Variants in CFAP92 observed in about 807,000 individuals in gnomAD.
CFAP92 encodes cilia and flagella associated protein 92 (putative), also known as uncharacterized protein CFAP92.
In CFAP92, 86 loss-of-function variants were observed where a neutral mutation model predicts 106.3. The observed-to-expected ratio is 0.81, with a 90% CI of 0.68 to 0.97. The LOEUF is 0.97. CFAP92 is among the 50% of genes least tolerant of loss of function. The pLI is 0.00. For missense variants in CFAP92, 1,204 were observed against 1,283.8 expected (o/e 0.94, Z 0.95); for synonymous variants, 477 against 506.4 (o/e 0.94, Z 0.78).
intron 12 of CFAP92, among the ~76,000 whole-genome samples, chr3:128,923,449 G>C (rs1559854077): frequency 1.3e-5 from 2 of 152,202 alleles, no homozygotes; most frequent in East Asian, 3.8e-4. Flanking sequence ...TTCTGACTGA[G>C]CTCCTCTCTA....
At chr3:128,951,290 A>G (rs1160184676) in intron 9 of CFAP92, among the ~76,000 whole-genome samples, 3 of 152,152 alleles carry the variant, frequency 2.0e-5, no homozygotes, top group African/African-American at 7.2e-5. Flanking sequence ...CAGAGTCCCA[A>G]AAAGAAAGGG....
chr3:128,953,184 G>GA (rs2107741638), intron 9 of CFAP92, among the ~76,000 whole-genome samples: 1 of 152,150 alleles, frequency 6.6e-6, no homozygotes, highest in East Asian at 1.9e-4. Flanking sequence ...ACAGAGGAAA[G>GA]AATCTGTAAA....
At chr3:128,984,371 G>A (rs1201881447) in intron 4 of CFAP92, among the ~76,000 whole-genome samples, 1 of 152,174 alleles carries the variant, frequency 6.6e-6, no homozygotes, top group Non-Finnish European at 1.5e-5. Flanking sequence ...CTGCCAGCAT[G>A]GCTAGAAGAA....
chr3:129,001,525 G>A (rs999675082), intron 1 of CFAP92: 3 of 1,331,792 alleles, frequency 2.3e-6, no homozygotes, highest in South Asian at 2.0e-5. Flanking sequence ...ACCAGACCGC[G>A]ACCGCTAAGC....
chr3:128,997,635 C>T (rs550067960), upstream of CFAP92, among the ~76,000 whole-genome samples: 17 of 152,322 alleles, frequency 1.1e-4, no homozygotes, highest in South Asian at 2.7e-3. Flanking sequence ...AGGCATGTGT[C>T]AGTATTTCAT....
At chr3:128,920,712 G>T (rs1408792797) in intron 12 of CFAP92, among the ~76,000 whole-genome samples, 2 of 152,102 alleles carry the variant, frequency 1.3e-5, no homozygotes, top group Admixed American at 6.5e-5. Flanking sequence ...TGTTCCAAAG[G>T]GTGGAAGGCT....
chr3:128,964,782 C>A (rs1044003118), intron 9 of CFAP92, among the ~76,000 whole-genome samples: 1 of 151,882 alleles, frequency 6.6e-6, no homozygotes, highest in Non-Finnish European at 1.5e-5. Context: ...TACCACAAGA[C>A]CTCCCTTCAG....
At chr3:129,020,594 G>A in the CFAP92 span, among the ~76,000 whole-genome samples, 3 of 152,268 alleles carry the variant, frequency 2.0e-5, no homozygotes, top group East Asian at 1.9e-4. Flanking sequence ...CTGAGATCAC[G>A]CCACTGCATT....
chr3:128,979,936 T>TA (rs1037860016), intron 4 of CFAP92, among the ~76,000 whole-genome samples: 1 of 83,052 alleles, frequency 1.2e-5, no homozygotes, highest in African/African-American at 5.3e-5. Flanking sequence ...CCCTAAAACT[T>TA]AAAGTATAAT....
At position 128,910,668 on chromosome 3, in the gene CFAP92, G is replaced by A. The variant is rs568462254; in HGVS notation, c.3281-335C>T. ...GCCATGCTACCCAGTTTGGCTGATA[G>A]GCTGGGTTTTTGAAGCTCAGAGGTC... On this transcript the variant is annotated intron_variant, in intron 15 of 15. Transcript: ENST00000645291. 2.8e-5 allele frequency: 43 copies of A among 1,545,882 alleles called. 1 individual carries two copies. The East Asian group carries it at 9.2e-4, about 33-fold the overall frequency.
intron 1 of CFAP92, chr3:129,001,942 C>A: frequency 6.5e-7 from 1 of 1,543,346 alleles, no homozygotes; most frequent in Non-Finnish European, 8.7e-7. Context: ...GACGGGAACT[C>A]CAGAGATGTG....
chr3:128,934,615 C>T (rs1938779355), intron 11 of CFAP92, among the ~76,000 whole-genome samples: 1 of 152,146 alleles, frequency 6.6e-6, no homozygotes, highest in African/African-American at 2.4e-5. Context: ...ACTGCAATCT[C>T]TGCCTTCCAG....
chr3:128,932,630 C>T (rs752997613), intron 12 of CFAP92, 70 bp downstream of exon 12: 18 of 1,420,700 alleles, frequency 1.3e-5, no homozygotes, highest in Admixed American at 2.3e-5. Flanking sequence ...ATGCCCTATG[C>T]CTCTCAGCAG....
chr3:128,990,465 C>G (rs1031326831), intron 2 of CFAP92, among the ~76,000 whole-genome samples: 3 of 152,120 alleles, frequency 2.0e-5, no homozygotes, highest in Non-Finnish European at 4.4e-5. Flanking sequence ...CCACTGTACT[C>G]CAGCCTGGGT....
At chr3:128,934,526 GCTTTT>G (rs921034911) in intron 11 of CFAP92, among the ~76,000 whole-genome samples, 5 of 151,776 alleles carry the variant, frequency 3.3e-5, no homozygotes, top group African/African-American at 1.2e-4. Context: ...GCCTGTTTTT[GCTTTT>G]GTTTGTTTGT....
chr3:128,942,728 G>A (rs1939770009), intron 10 of CFAP92, among the ~76,000 whole-genome samples: 1 of 151,522 alleles, frequency 6.6e-6, no homozygotes, highest in Non-Finnish European at 1.5e-5. Context: ...AGGCTGGAGT[G>A]CAGTGGCATG....
chr3:128,963,731 C>G lies in CFAP92; in HGVS notation c.1353+1780G>C, dbSNP rs1043277759. The stretch of plus-strand genomic sequence containing the variant: ...AGCAAAGGCAGGCTATGCTATAGTA[C>G]AAGCCACTAGCCCGCCTCTCAGAAC... On this transcript the variant is annotated intron_variant, in intron 9 of 15. Transcript: ENST00000645291. Among the ~76,000 whole-genome samples the G allele has an allele frequency of 2.7e-3, 401 of 149,952 alleles. 1 individual carries two copies. The highest frequency in any genetic ancestry group is 9.3e-3 in the African/African-American group (377 of 40,400).
intron 8 of CFAP92, chr3:128,967,913 T>C (rs1942502175): frequency 6.6e-6 from 1 of 152,074 alleles, no homozygotes; most frequent in Non-Finnish European, 1.5e-5. Flanking sequence ...TTTAACAGTA[T>C]CTTACTAGAT....
chr3:128,996,855 C>T (rs1383167940), upstream of CFAP92, among the ~76,000 whole-genome samples: 5 of 152,208 alleles, frequency 3.3e-5, no homozygotes, highest in Admixed American at 3.3e-4. Flanking sequence ...CCATGGGTTC[C>T]CCCGCCCCCA....
Sources: gnomAD v4.1 joint callset for allele counts (sites outside exome capture counted in the v4.1 genomes callset) on GRCh38, gnomAD v4.1.1 for gene constraint, MANE v1.5 for transcripts, NCBI Gene and HGNC (gene_info 2026-07-23, HGNC 2026-07-21) for gene names.